INVS: variants seen among roughly 807,000 people sequenced by gnomAD.
INVS encodes the protein inversin, also known as inversion of embryo turning homolog.
Under a neutral mutation model 108.8 loss-of-function variants are expected in INVS, and 86 were observed. That is an observed-to-expected ratio of 0.79 (90% CI 0.66 to 0.95). The LOEUF is 0.95. Among genes scored for constraint, INVS ranks in the 40% least tolerant of loss-of-function variants. The probability of loss-of-function intolerance (pLI) is 0.00; values close to 1 mark genes in which losing one functional copy is unlikely to be tolerated. For missense variants in INVS, 1,169 were observed against 1,297.4 expected, an observed-to-expected ratio of 0.90 and a Z score of 1.52; for synonymous variants, 455 against 473.5, an observed-to-expected ratio of 0.96 and a Z score of 0.51.
rs982375571 is a variant in INVS at position 100,300,895 on chromosome 9, C to G, written c.*221C>G. The stretch of plus-strand genomic sequence containing the variant: ...TCAACACAGCCTGCACTGAAAGGAC[C>G]TGCATAGACTATGTCTGTGCAAAGT... On this transcript the variant is annotated 3_prime_UTR_variant, in exon 17 of 17. Coordinates refer to ENST00000262457, the MANE Select transcript of INVS (RefSeq NM_014425.5). 9 of 581,542 alleles carry G rather than the reference C, an allele frequency of 1.5e-5. No individual in the cohort carries two copies. Among genetic ancestry groups the G allele is most frequent in the African/African-American group, 1.1e-4 (6 of 53,576 alleles). The allele number at this position is 581,542 out of a possible 1,614,324, so 36.0% of individuals were successfully genotyped here.
chr9:100,278,773 C>T (rs1833188797), intron 12 of INVS, among the ~76,000 whole-genome samples: 1 of 152,124 alleles, frequency 6.6e-6, no homozygotes, highest in Non-Finnish European at 1.5e-5. Context: ...GTTTGCCTTG[C>T]TCAAGGCAGC....
In INVS at chr9:100,207,874, T is replaced by A. The variant is rs1830721390; in HGVS notation, c.274-18188T>A. On this transcript the variant is annotated intron_variant, in intron 3 of 16. Transcript: ENST00000262457. ...TTTTTGAATGTGTTTCTAAAATTTA[T>A]GTTTGTTTATTTCCATTTGGTCCAC... is the stretch of plus-strand genomic sequence containing the variant. Among the ~76,000 whole-genome samples the A allele has an allele frequency of 7.2e-5, 11 of 152,236 alleles. No homozygotes were observed. The South Asian group carries it at 2.3e-3, about 32-fold the overall frequency.
At chr9:100,231,449 C>T (rs1467720222) in intron 5 of INVS, among the ~76,000 whole-genome samples, 6 of 151,978 alleles carry the variant, frequency 3.9e-5, no homozygotes, top group African/African-American at 9.7e-5. Context: ...TGGTGGTTTG[C>T]TGCACCCATC....
chr9:100,194,213 A>G (rs759293964), intron 3 of INVS, among the ~76,000 whole-genome samples: 5 of 152,118 alleles, frequency 3.3e-5, no homozygotes, highest in Non-Finnish European at 7.4e-5. Context: ...TTTCCTCCAT[A>G]CCCTCACTTT....
At chr9:100,233,072 G>A (rs1831563773) in intron 5 of INVS, among the ~76,000 whole-genome samples, 2 of 152,082 alleles carry the variant, frequency 1.3e-5, no homozygotes, top group Admixed American at 6.6e-5. Context: ...ACTACAATGT[G>A]AAGAAGTCCT....
intron 12 of INVS, among the ~76,000 whole-genome samples, chr9:100,278,231 C>CAAAAA (rs750217205): frequency 1.4e-4 from 12 of 83,092 alleles, no homozygotes; most frequent in African/African-American, 2.9e-4. Flanking sequence ...GACCCTGTCT[C>CAAAAA]AAAAAAAAAA....
chr9:100,169,576 C>G (rs1829474510), intron 3 of INVS, among the ~76,000 whole-genome samples: 3 of 152,152 alleles, frequency 2.0e-5, no homozygotes, highest in Non-Finnish European at 4.4e-5. Flanking sequence ...TGAGTCCATT[C>G]TCTATGTACA....
intron 1 of INVS, among the ~76,000 whole-genome samples, chr9:100,101,044 GTATA>G (rs1309589349): frequency 3.2e-5 from 3 of 93,958 alleles, no homozygotes; most frequent in East Asian, 2.5e-4. Flanking sequence ...TTATATATGT[GTATA>G]TATAATTTAT....
At chr9:100,257,245 T>A (rs1832450568) in intron 10 of INVS, among the ~76,000 whole-genome samples, 1 of 152,198 alleles carries the variant, frequency 6.6e-6, no homozygotes, top group African/African-American at 2.4e-5. Context: ...TGCCTTTTTT[T>A]GTTTTCCATT....
chr9:100,266,505 C>T (rs982051328), intron 11 of INVS, among the ~76,000 whole-genome samples: 1 of 152,070 alleles, frequency 6.6e-6, no homozygotes, highest in Non-Finnish European at 1.5e-5. Flanking sequence ...AATGTCACAG[C>T]GCTGGTGGGA....
intron 16 of INVS, 87 bp downstream of exon 16, chr9:100,298,097 G>C (rs775105738): frequency 1.2e-6 from 2 of 1,603,246 alleles, no homozygotes; most frequent in African/African-American, 2.7e-5. Context: ...GAAGACATTA[G>C]AACAGATATG....
intron 4 of INVS, among the ~76,000 whole-genome samples, chr9:100,228,282 C>T (rs554656380): frequency 1.3e-5 from 2 of 152,272 alleles, no homozygotes; most frequent in African/African-American, 2.4e-5. Context: ...TGAGCCACTG[C>T]GCCCAGCCAA....
At chr9:100,189,540 C>T (rs1359008447) in intron 3 of INVS, among the ~76,000 whole-genome samples, 1 of 151,814 alleles carries the variant, frequency 6.6e-6, no homozygotes, top group Non-Finnish European at 1.5e-5. Flanking sequence ...TTGTATAATT[C>T]TGAGAGGTCC....
chr9:100,230,265 G>A (rs1398815942), intron 5 of INVS, among the ~76,000 whole-genome samples: 1 of 143,494 alleles, frequency 7.0e-6, no homozygotes, highest in East Asian at 1.9e-4. Context: ...TACCTTTGAA[G>A]TCCTCTGAGT....
At chr9:100,125,602 G>A (rs1827857857) in intron 2 of INVS, among the ~76,000 whole-genome samples, 1 of 151,278 alleles carries the variant, frequency 6.6e-6, no homozygotes, top group Non-Finnish European at 1.5e-5. Context: ...GGGGATTTTA[G>A]TTGTAATTAG....
rs1828716213 is a variant in INVS at position 100,148,874 on chromosome 9, T to C, written c.273+22325T>C. Among the ~76,000 whole-genome samples the C allele has an allele frequency of 9.8e-5, 15 of 152,344 alleles. No individual in the cohort carries two copies. The South Asian group carries it at 3.1e-3, about 32-fold the overall frequency. ...TGACTTACATGGTGCAACATATGTA[T>C]GAAAACAACTTTAGATCTGGGATTT... is the stretch of plus-strand genomic sequence containing the variant. On this transcript the variant is annotated intron_variant, in intron 3 of 16. Coordinates refer to ENST00000262457, the MANE Select transcript of INVS (RefSeq NM_014425.5).
Position 100,292,730 on chromosome 9 carries a change from C to A in INVS, c.2473C>A (p.Pro825Thr), listed in dbSNP as rs1833662871. Reference sequence around the variant, plus strand: ...GGAGGCGGTCCATGCTGGGCAGAATCCTCCCCACCATCGTACACCAAGAAA... The same window carrying A: ...GGAGGCGGTCCATGCTGGGCAGAATACTCCCCACCATCGTACACCAAGAAA... ...RGEAVHAGQN[P>T]PHHRTPRNKV... The change falls in exon 14 of 17, where the codon CCT becomes ACT. Residue 825 changes from proline (P) to threonine (T), a missense_variant. This residue lies in a region of INVS where 533 missense variants were observed against 536.0 expected (regional missense o/e 0.99). Transcript: ENST00000262457. The A allele has an allele frequency of 1.9e-6, 3 of 1,614,156 alleles. No homozygotes were observed. Among genetic ancestry groups the A allele is most frequent in the South Asian group, 1.1e-5 (1 of 91,080 alleles).
At chr9:100,293,624 A>G (rs1833696155) in intron 14 of INVS, among the ~76,000 whole-genome samples, 1 of 152,210 alleles carries the variant, frequency 6.6e-6, no homozygotes, top group Admixed American at 6.5e-5. Flanking sequence ...AGCATCTACC[A>G]AGCTCAAAAT....
At chr9:100,250,666 T>C (rs1005964446) in intron 8 of INVS, among the ~76,000 whole-genome samples, 2 of 152,190 alleles carry the variant, frequency 1.3e-5, no homozygotes, top group Non-Finnish European at 1.5e-5. Flanking sequence ...TTCATCTCCA[T>C]TGCAACCACC....
Sources: gnomAD v4.1 joint callset for allele counts (sites outside exome capture counted in the v4.1 genomes callset) on GRCh38, gnomAD v4.1.1 for gene constraint, gnomAD v4.1.1 regional missense constraint, MANE v1.5 for transcripts, NCBI Gene and HGNC (gene_info 2026-07-23, HGNC 2026-07-21) for gene names.